The following NOS1AP variants were observed in gnomAD, a reference collection of about 807,000 sequenced individuals.
NOS1AP encodes nitric oxide synthase 1 adaptor protein.
A neutral mutation model predicts 56.2 loss-of-function variants in NOS1AP; 21 were observed. The ratio of observed to expected loss-of-function variants is 0.37; its 90% CI spans 0.26 to 0.54. The LOEUF (loss-of-function observed/expected upper bound fraction) is 0.54. NOS1AP is among the 20% of genes least tolerant of loss of function. The pLI, the probability that NOS1AP is intolerant of heterozygous loss-of-function variation, is 0.84. For synonymous variants in NOS1AP, 270 were observed against 274.6 expected, an observed-to-expected ratio of 0.98 and a Z score of 0.17; for missense variants, 522 against 657.8, an observed-to-expected ratio of 0.79 and a Z score of 2.26.
intron 4 of NOS1AP, among the ~76,000 whole-genome samples, chr1:162,318,703 T>G (rs1264248899): frequency 6.6e-6 from 1 of 151,996 alleles, no homozygotes; most frequent in Non-Finnish European, 1.5e-5. Flanking sequence ...TCAACCACCC[T>G]CTAAATCCCA....
At position 162,261,425 on chromosome 1, in the gene NOS1AP, A is replaced by G. The variant is rs540397802; in HGVS notation, c.178-25919A>G. Among the ~76,000 whole-genome samples the G allele has an allele frequency of 5.0e-5, 6 of 119,866 alleles. 3 individuals carry two copies. The South Asian group carries it at 2.0e-3, about 39-fold the overall frequency. 78.6% of individuals were successfully genotyped at this position (119,866 alleles called of 152,430 possible). A position where few individuals can be genotyped will look rare whatever the true frequency, so the allele number is the denominator to read the frequency against. ...ACCCTGCATTATCCAGGTGGGCTCAATCTAATCACAAGAGTCCTTATAGAA... is the reference window on the plus strand; with the variant it reads ...ACCCTGCATTATCCAGGTGGGCTCAGTCTAATCACAAGAGTCCTTATAGAA... On this transcript the variant is annotated intron_variant, in intron 2 of 9. Coordinates refer to ENST00000361897, the MANE Select transcript of NOS1AP (RefSeq NM_014697.3).
intron 3 of NOS1AP, among the ~76,000 whole-genome samples, chr1:162,287,832 G>A (rs970069353): frequency 6.6e-6 from 1 of 152,174 alleles, no homozygotes; most frequent in Admixed American, 6.5e-5. Context: ...TGTCCCCTTC[G>A]ATTGCAGGAC....
At chr1:162,274,648 A>C (rs1654683788) in intron 2 of NOS1AP, among the ~76,000 whole-genome samples, 1 of 152,208 alleles carries the variant, frequency 6.6e-6, no homozygotes, top group South Asian at 2.1e-4. Context: ...CTATTGTCTT[A>C]GGGAGCTGTA....
chr1:162,271,221 G>A (rs142561373), intron 2 of NOS1AP, among the ~76,000 whole-genome samples: 1,536 of 150,570 alleles, frequency 0.01, 19 homozygotes, highest in Non-Finnish European at 0.013. Context: ...GGAGTCCAGT[G>A]ATGGCACCCC....
intron 2 of NOS1AP, among the ~76,000 whole-genome samples, chr1:162,270,345 G>C (rs766837689): frequency 6.6e-6 from 1 of 152,200 alleles, no homozygotes; most frequent in Non-Finnish European, 1.5e-5. Context: ...AGAGGATAAA[G>C]AGCTGAACCT....
chr1:162,114,197 A>ACC (rs1436522883), intron 1 of NOS1AP, among the ~76,000 whole-genome samples: 1 of 152,098 alleles, frequency 6.6e-6, no homozygotes, highest in Admixed American at 6.5e-5. Flanking sequence ...GGACAAGATC[A>ACC]CCCTGTTTAG....
intron 2 of NOS1AP, among the ~76,000 whole-genome samples, chr1:162,253,393 C>A (rs936547473): frequency 6.6e-6 from 1 of 152,152 alleles, no homozygotes; most frequent in Non-Finnish European, 1.5e-5. Context: ...ACTGCTTGAG[C>A]CTTCAAGTTA....
At chr1:162,177,696 A>G (rs1472486087) in intron 2 of NOS1AP, among the ~76,000 whole-genome samples, 1 of 152,214 alleles carries the variant, frequency 6.6e-6, no homozygotes, top group Non-Finnish European at 1.5e-5. Context: ...AGTAGTAAAC[A>G]TTATTTTTAG....
intron 2 of NOS1AP, among the ~76,000 whole-genome samples, chr1:162,175,346 A>G (rs1651008796): frequency 6.6e-6 from 1 of 152,216 alleles, no homozygotes; most frequent in African/African-American, 2.4e-5. Flanking sequence ...TTTATCAGTA[A>G]AGAATCATGG....
intron 4 of NOS1AP, among the ~76,000 whole-genome samples, chr1:162,330,006 A>C (rs1382677132): frequency 6.6e-6 from 1 of 152,246 alleles, no homozygotes; most frequent in Non-Finnish European, 1.5e-5. Context: ...TTATCTGTTA[A>C]GGTTAAGTTA....
intron 4 of NOS1AP, among the ~76,000 whole-genome samples, chr1:162,330,117 C>A (rs1656717291): frequency 6.6e-6 from 1 of 152,202 alleles, no homozygotes; most frequent in Admixed American, 6.5e-5. Context: ...AAATCCAGTT[C>A]TCAGTCCTTA....
At chr1:162,197,440 T>A (rs187506398) in intron 2 of NOS1AP, among the ~76,000 whole-genome samples, 13 of 152,366 alleles carry the variant, frequency 8.5e-5, no homozygotes, top group Non-Finnish European at 1.3e-4. Context: ...ATGTACTGGC[T>A]GCTATGTTGT....
chr1:162,275,693 G>A (rs1391126983), intron 2 of NOS1AP, among the ~76,000 whole-genome samples: 3 of 152,172 alleles, frequency 2.0e-5, no homozygotes, highest in African/African-American at 4.8e-5. Context: ...GCAGTTTGTA[G>A]TGGGGGCTTC....
intron 1 of NOS1AP, among the ~76,000 whole-genome samples, chr1:162,124,315 G>A (rs1648384076): frequency 1.3e-5 from 2 of 152,078 alleles, no homozygotes; most frequent in South Asian, 4.1e-4. Context: ...ATGTCTGTTA[G>A]ACCACTCTGA....
intron 1 of NOS1AP, among the ~76,000 whole-genome samples, chr1:162,122,738 C>T (rs886152593): frequency 6.6e-6 from 1 of 152,140 alleles, no homozygotes; most frequent in Non-Finnish European, 1.5e-5. Flanking sequence ...GAACTCAGCT[C>T]AAGTGATCTG....
chr1:162,075,319 C>T (rs564622399), intron 1 of NOS1AP, among the ~76,000 whole-genome samples: 45 of 152,310 alleles, frequency 3.0e-4, no homozygotes, highest in Middle Eastern at 3.4e-3. Flanking sequence ...GATTTTGTGG[C>T]TTGGGAGCAT....
intron 2 of NOS1AP, among the ~76,000 whole-genome samples, chr1:162,271,668 A>G (rs754758190): frequency 1.3e-5 from 2 of 152,184 alleles, no homozygotes; most frequent in African/African-American, 2.4e-5. Context: ...TCTCAGACCA[A>G]TGACTTTCTT....
intron 1 of NOS1AP, among the ~76,000 whole-genome samples, chr1:162,084,378 C>A (rs1276276663): frequency 6.6e-6 from 1 of 152,108 alleles, no homozygotes; most frequent in Non-Finnish European, 1.5e-5. Flanking sequence ...GCTGATACCA[C>A]CCTGGTTGGA....
rs149234381 is a variant in NOS1AP at position 162,193,036 on chromosome 1, A to G, written c.177+38560A>G. On this transcript the variant is annotated intron_variant, in intron 2 of 9. Coordinates refer to ENST00000361897, the MANE Select transcript of NOS1AP (RefSeq NM_014697.3). Reference sequence around the variant, plus strand: ...CAGCCTCTGCAGAAAAATTCCTGTGATGAGAGAACTCACTGTGTGCTTTTG... The same window carrying G: ...CAGCCTCTGCAGAAAAATTCCTGTGGTGAGAGAACTCACTGTGTGCTTTTG... Among the ~76,000 whole-genome samples, 356 of 152,272 alleles carry G rather than the reference A, an allele frequency of 2.3e-3. 4 individuals are homozygous for G. The highest frequency in any genetic ancestry group is 8.0e-3 in the African/African-American group (331 of 41,558).
Sources: allele counts gnomAD v4.1 joint callset (sites outside exome capture counted in the v4.1 genomes callset), GRCh38; gene constraint gnomAD v4.1.1; transcripts MANE v1.5; gene names NCBI Gene and HGNC (gene_info 2026-07-23, HGNC 2026-07-21).